The following CNST variants were observed in gnomAD, a reference collection of about 807,000 sequenced individuals.
CNST encodes the protein consortin.
Under a neutral mutation model 72.4 loss-of-function variants are expected in CNST, and 39 were observed. The ratio of observed to expected loss-of-function variants is 0.54; its 90% CI spans 0.42 to 0.70. CNST has a LOEUF of 0.70. Among genes scored for constraint, CNST ranks in the 30% least tolerant of loss-of-function variants. The pLI, the probability that CNST is intolerant of heterozygous loss-of-function variation, is 0.00. For synonymous variants in CNST, 332 were observed against 320.1 expected, an observed-to-expected ratio of 1.04 and a Z score of -0.40; for missense variants, 871 against 868.5, an observed-to-expected ratio of 1.00 and a Z score of -0.04.
Position 246,566,650 on chromosome 1 carries a change from C to T in CNST, c.-65C>T. 1 of 401,348 alleles carries T rather than the reference C, an allele frequency of 2.5e-6. No homozygotes were observed. The highest frequency in any genetic ancestry group is 4.4e-6 in the Non-Finnish European group (1 of 227,402). 24.9% of individuals were successfully genotyped at this position (401,348 alleles called of 1,614,324 possible). ...GCGCCCAGCGGTAGCCCTCCTTGCG[C>T]CTCCGATTCCCAGGTGAGGAGAGGA... On this transcript the variant is annotated 5_prime_UTR_variant, in exon 1 of 11. Transcript: ENST00000366513.
Position 246,591,940 on chromosome 1 carries a change from A to G in CNST, c.378A>G (p.Pro126=), listed in dbSNP as rs375331485. 5 of 1,599,824 alleles carry G rather than the reference A, an allele frequency of 3.1e-6. No homozygotes were observed. The highest frequency in any genetic ancestry group is 4.3e-6 in the Non-Finnish European group (5 of 1,174,486). ...AAGGGACTGCTAAGAAGATACCACCAGGTATTGTTTAAAATAGTATTTATC... is the reference window on the plus strand; with the variant it reads ...AAGGGACTGCTAAGAAGATACCACCGGGTATTGTTTAAAATAGTATTTATC... ...SKKGTAKKIP[P]GLFSGDIAPL... The change falls in exon 2 of 11, where the codon CCA becomes CCG. Residue 126 remains proline, a splice_region_variant and synonymous_variant. Transcript: ENST00000366513.
chr1:246,640,482 C>T (rs1437243577), intron 6 of CNST, among the ~76,000 whole-genome samples: 1 of 151,970 alleles, frequency 6.6e-6, no homozygotes, highest in Non-Finnish European at 1.5e-5. Context: ...AAGGCACTTA[C>T]TTTTTTAAAA....
chr1:246,576,677 A>G (rs10924782), intron 1 of CNST, among the ~76,000 whole-genome samples: 50,084 of 151,442 alleles, frequency 0.33, 8,774 homozygotes, highest in Middle Eastern at 0.39. Context: ...TATTTTTAAT[A>G]GAGACGGGAT....
At chr1:246,580,097 A>G (rs142155593) in intron 1 of CNST, among the ~76,000 whole-genome samples, 71 of 152,314 alleles carry the variant, frequency 4.7e-4, no homozygotes, top group African/African-American at 1.7e-3. Context: ...GTACTTACGA[A>G]TGACGGGGCT....
chr1:246,640,489 A>T (rs188851277), intron 6 of CNST, among the ~76,000 whole-genome samples: 35 of 152,154 alleles, frequency 2.3e-4, no homozygotes, highest in South Asian at 1.0e-3. Context: ...TTACTTTTTT[A>T]AAAAAAATTC....
intron 10 of CNST, among the ~76,000 whole-genome samples, chr1:246,664,423 CT>C (rs1250033704): frequency 6.7e-6 from 1 of 149,050 alleles, no homozygotes; most frequent in Non-Finnish European, 1.5e-5. Flanking sequence ...TTAACACTGT[CT>C]TTTTTTCTTT....
chr1:246,622,863 G>T (rs192817983), intron 3 of CNST, among the ~76,000 whole-genome samples: 2 of 152,036 alleles, frequency 1.3e-5, no homozygotes, highest in Admixed American at 1.3e-4. Context: ...TCACTCTGTT[G>T]CCCAGGCTGG....
At chr1:246,633,760 AAGAG>A (rs889885562) in intron 4 of CNST, among the ~76,000 whole-genome samples, 160 bp from the exon 5 acceptor site, 4 of 152,234 alleles carry the variant, frequency 2.6e-5, no homozygotes, top group South Asian at 2.1e-4. Flanking sequence ...AAAAAAAAAA[AAGAG>A]AGAAACATTA....
At chr1:246,664,103 T>A (rs1330343387) in intron 10 of CNST, among the ~76,000 whole-genome samples, 1 of 152,188 alleles carries the variant, frequency 6.6e-6, no homozygotes, top group Non-Finnish European at 1.5e-5. Flanking sequence ...AAATCATGAG[T>A]CTTAGACATC....
chr1:246,651,487 G>A (rs1435090187), intron 9 of CNST, among the ~76,000 whole-genome samples: 2 of 152,144 alleles, frequency 1.3e-5, no homozygotes, highest in Admixed American at 6.5e-5. Context: ...TGGCTCCAGT[G>A]GAATTTGGTT....
chr1:246,642,024 C>T lies in CNST; in HGVS notation c.924C>T (p.Thr308=), dbSNP rs1031346607. 2 of 1,604,594 alleles carry T rather than the reference C, an allele frequency of 1.2e-6. No homozygotes were observed. Among genetic ancestry groups the T allele is most frequent in the Non-Finnish European group, 1.7e-6 (2 of 1,173,364 alleles). ...AAGATCCAAAGGAAGGAGGAGCTAC[C>T]ACCAAAGAGTCAGGTATGTTTTTAA... is the stretch of plus-strand genomic sequence containing the variant. ...VSEDPKEGGA[T]TKESESKTCL... is the part of the protein sequence containing the mutation. The change falls in exon 8 of 11, where the codon ACC becomes ACT. Residue 308 remains threonine (T), a synonymous_variant. Coordinates refer to ENST00000366513, the MANE Select transcript of CNST (RefSeq NM_152609.3).
intron 1 of CNST, among the ~76,000 whole-genome samples, chr1:246,590,436 T>C (rs542149240): frequency 9.2e-5 from 14 of 152,284 alleles, no homozygotes; most frequent in African/African-American, 2.4e-4. Flanking sequence ...TTCCAACTTT[T>C]TGCTTTCTCC....
chr1:246,588,975 C>G (rs1415154817), intron 1 of CNST, among the ~76,000 whole-genome samples: 2 of 152,058 alleles, frequency 1.3e-5, no homozygotes, highest in African/African-American at 2.4e-5. Context: ...TTGAGTCCCT[C>G]AATGTGTGTT....
At chr1:246,600,810 G>C (rs1427332721) in intron 2 of CNST, among the ~76,000 whole-genome samples, 4 of 152,192 alleles carry the variant, frequency 2.6e-5, no homozygotes, top group African/African-American at 9.7e-5. Flanking sequence ...TAGAGATACA[G>C]ATTTGGGAGA....
chr1:246,630,832 A>G (rs7518887), intron 3 of CNST, among the ~76,000 whole-genome samples: 72,458 of 151,624 alleles, frequency 0.48, 19,091 homozygotes, highest in African/African-American at 0.69. Context: ...TGCAACCTCC[A>G]CCTCCCAGGT....
chr1:246,573,299 T>C (rs1160826588), intron 1 of CNST, among the ~76,000 whole-genome samples: 3 of 152,234 alleles, frequency 2.0e-5, no homozygotes, highest in Non-Finnish European at 2.9e-5. Context: ...TTCCCTACTT[T>C]AATCATGTAA....
In CNST at chr1:246,636,384, A is replaced by G. The variant is rs1012478445; in HGVS notation, c.818+1797A>G. ...TGGGGTTTTGAAATGCTAGTAATTA[A>G]GGGGGAAGGTCTATCCCATGCCACG... On this transcript the variant is annotated intron_variant, in intron 6 of 10. Coordinates refer to ENST00000366513, the MANE Select transcript of CNST (RefSeq NM_152609.3). 3.9e-5 allele frequency among the ~76,000 whole-genome samples: 6 copies of G among 152,114 alleles called. No individual in the cohort carries two copies. In the East Asian group the frequency reaches 1.2e-3, roughly 29 times the overall value.
intron 2 of CNST, among the ~76,000 whole-genome samples, chr1:246,611,009 T>C (rs529087632): frequency 1.9e-4 from 29 of 152,300 alleles, no homozygotes; most frequent in African/African-American, 6.5e-4. Context: ...CTGCTGCTTT[T>C]CTGCTCTGAA....
chr1:246,605,279 T>A (rs946117577), intron 2 of CNST, among the ~76,000 whole-genome samples: 14 of 152,180 alleles, frequency 9.2e-5, no homozygotes, highest in African/African-American at 3.4e-4. Context: ...CCTGGATAAG[T>A]AGTTTTAAGA....
Sources: gnomAD v4.1 joint callset for allele counts (sites outside exome capture counted in the v4.1 genomes callset) on GRCh38, gnomAD v4.1.1 for gene constraint, MANE v1.5 for transcripts, NCBI Gene and HGNC (gene_info 2026-07-23, HGNC 2026-07-21) for gene names.